Variants in LMO7 observed in about 807,000 individuals in gnomAD.
LMO7 encodes LIM domain 7, also known as LIM domain only protein 7.
Under a neutral mutation model 206.5 loss-of-function variants are expected in LMO7, and 120 were observed. That is an observed-to-expected ratio of 0.58 (90% confidence interval 0.50 to 0.68). LMO7 has a LOEUF of 0.68. Ranked by LOEUF, LMO7 falls within the 30% of genes least tolerant of loss-of-function variation. The pLI is 0.00. For synonymous variants in LMO7, 706 were observed against 681.5 expected, an observed-to-expected ratio of 1.04 and a Z score of -0.56; for missense variants, 1,959 against 1,957.9, an observed-to-expected ratio of 1.00 and a Z score of -0.01.
At chr13:75,746,954 T>G (rs1360967460) in intron 3 of LMO7, among the ~76,000 whole-genome samples, 3 of 152,110 alleles carry the variant, frequency 2.0e-5, no homozygotes, top group African/African-American at 7.2e-5. Context: ...CCTTAGGACT[T>G]TGTGCTTGCC....
At chr13:75,856,214 G>A (rs1178143062) in intron 29 of LMO7, among the ~76,000 whole-genome samples, 1 of 152,040 alleles carries the variant, frequency 6.6e-6, no homozygotes, top group Non-Finnish European at 1.5e-5. Flanking sequence ...ATTCCTCTGG[G>A]GGGATAAAAA....
At chr13:75,805,390 G>A (rs944784484) in intron 8 of LMO7, 89 bp from the exon 9 acceptor site, 2 of 1,389,364 alleles carry the variant, frequency 1.4e-6, no homozygotes, top group Non-Finnish European at 9.9e-7. Context: ...TCACAGTGGT[G>A]TAAACTTTGT....
chr13:75,640,042 T>G (rs1273009371), intron 1 of LMO7, among the ~76,000 whole-genome samples: 1 of 152,194 alleles, frequency 6.6e-6, no homozygotes, highest in Admixed American at 6.5e-5. Flanking sequence ...CCTTTTAACT[T>G]TTTTGCCTTT....
chr13:75,788,709 G>C (rs2140516935), intron 4 of LMO7: 2 of 152,324 alleles, frequency 1.3e-5, no homozygotes, highest in South Asian at 4.1e-4. Flanking sequence ...CTGGAGAGCA[G>C]AGATTACTTA....
Position 75,841,854 on chromosome 13 carries a change from A to C in LMO7, c.3902A>C (p.Gln1301Pro), listed in dbSNP as rs746067203. 1 of 1,614,188 alleles carries C rather than the reference A, an allele frequency of 6.2e-7. No individual in the cohort carries two copies. Among genetic ancestry groups the C allele is most frequent in the Non-Finnish European group, 8.5e-7 (1 of 1,180,026 alleles). The change falls in exon 24 of 31, where the codon CAG becomes CCG. Residue 1301 changes from glutamine to proline, a missense_variant. By Grantham distance (76) the Gln-to-Pro change is moderately conservative. Coordinates refer to ENST00000377534, the MANE Select transcript of LMO7 (RefSeq NM_001306080.2). ...GAGAGAGAGAGGAAATGGGAGCAACAGCTTCAGGAAGAGCAAGAGCAAAAG... is the reference window on the plus strand; with the variant it reads ...GAGAGAGAGAGGAAATGGGAGCAACCGCTTCAGGAAGAGCAAGAGCAAAAG... ...VIERERKWEQ[Q>P]LQEEQEQKRL... is the part of the protein sequence containing the mutation.
chr13:75,677,830 C>A (rs2040148568), intron 1 of LMO7, among the ~76,000 whole-genome samples: 1 of 123,198 alleles, frequency 8.1e-6, no homozygotes, highest in Non-Finnish European at 1.6e-5. Flanking sequence ...GTGTGATGTT[C>A]CCCTTCTTGT....
intron 3 of LMO7, among the ~76,000 whole-genome samples, chr13:75,736,181 G>T (rs917120814): frequency 2.0e-5 from 3 of 152,104 alleles, no homozygotes; most frequent in African/African-American, 7.2e-5. Context: ...TTTATCTTTA[G>T]AAATTAAAGT....
chr13:75,743,719 G>A (rs565122699), intron 3 of LMO7, among the ~76,000 whole-genome samples: 1 of 152,220 alleles, frequency 6.6e-6, no homozygotes, highest in East Asian at 1.9e-4. Flanking sequence ...TGGGAGGAGG[G>A]AGAAGATCAG....
chr13:75,854,337 G>A (rs1222822019), intron 28 of LMO7, among the ~76,000 whole-genome samples: 2 of 152,190 alleles, frequency 1.3e-5, no homozygotes, highest in Non-Finnish European at 2.9e-5. Flanking sequence ...TATATAAAGT[G>A]TGTATCAATG....
chr13:75,626,496 G>A (rs564750159), intron 2 of LMO7, among the ~76,000 whole-genome samples: 42 of 150,150 alleles, frequency 2.8e-4, no homozygotes, highest in African/African-American at 9.9e-4. Context: ...GAACACATGG[G>A]AATTCTGGGA....
In LMO7 at chr13:75,834,068, C is replaced by T. The variant is rs561684892; in HGVS notation, c.3065-158C>T. 3.3e-5 allele frequency among the ~76,000 whole-genome samples: 5 copies of T among 151,932 alleles called. No homozygotes were observed. In the South Asian group the frequency reaches 1.0e-3, roughly 32 times the overall value. On this transcript the variant is annotated intron_variant, in intron 16 of 30. Transcript: ENST00000377534. The stretch of plus-strand genomic sequence containing the variant: ...CACCTCTAATGCTTTGTATGTTGTA[C>T]TCAGATATTTGGTATTAAAAAAAAT...
At position 75,841,947 on chromosome 13, in the gene LMO7, A is replaced by T; in HGVS notation, c.3995A>T (p.Glu1332Val). The change falls in exon 24 of 31, where the codon GAG becomes GTG. Residue 1332 changes from glutamate to valine, a missense_variant. Physicochemically the swap from Glu to Val is moderately radical, Grantham distance 121. Transcript: ENST00000377534. ...AEEQKRQAEI[E>V]RETSVRIYQY... ...GAGCAGAAGCGCCAGGCAGAGATAG[A>T]GCGGGAAACATCAGTCAGAATATAC... 6.2e-7 allele frequency: 1 copy of T among 1,612,566 alleles called. No homozygotes were observed. The highest frequency in any genetic ancestry group is 8.5e-7 in the Non-Finnish European group (1 of 1,179,830).
At chr13:75,739,938 A>C (rs1282986310) in intron 3 of LMO7, among the ~76,000 whole-genome samples, 1 of 152,200 alleles carries the variant, frequency 6.6e-6, no homozygotes, top group East Asian at 1.9e-4. Context: ...TGAGACCTCA[A>C]GACAGAGTAC....
intron 1 of LMO7, among the ~76,000 whole-genome samples, chr13:75,709,902 G>A (rs2042952642): frequency 6.6e-6 from 1 of 152,242 alleles, no homozygotes; most frequent in South Asian, 2.1e-4. Flanking sequence ...GTATTGCCTA[G>A]GTTTTCTTCT....
upstream of LMO7, among the ~76,000 whole-genome samples, chr13:75,633,947 A>C (rs2035378850): frequency 7.0e-6 from 1 of 143,784 alleles, no homozygotes; most frequent in Non-Finnish European, 1.5e-5. Flanking sequence ...TCCCTGGTTC[A>C]AGCGATTCTC....
chr13:75,654,633 T>G (rs1271382630), intron 1 of LMO7, among the ~76,000 whole-genome samples: 1 of 152,146 alleles, frequency 6.6e-6, no homozygotes, highest in Non-Finnish European at 1.5e-5. Flanking sequence ...CATCTCTCTT[T>G]CCCTGTGGCC....
rs144129171 is a variant in LMO7 at position 75,817,186 on chromosome 13, G to A, written c.1972G>A (p.Ala658Thr). 4.2e-5 allele frequency: 67 copies of A among 1,613,392 alleles called. No homozygotes were observed. Among genetic ancestry groups the A allele is most frequent in the African/African-American group, 5.3e-5 (4 of 75,012 alleles). Reference protein sequence around the residue: ...NGSKSMSDVSAEDVQNLRQLR... With the variant: ...NGSKSMSDVSTEDVQNLRQLR... The stretch of plus-strand genomic sequence containing the variant: ...GAGTAAGTCCATGAGTGATGTCAGC[G>A]CAGAAGATGTTCAAAACTTGCGTCA... The change falls in exon 12 of 31, where the codon GCA (alanine) becomes ACA (threonine). Residue 658 changes from alanine (A) to threonine (T), a missense_variant. Ala to Thr is a moderately conservative substitution (Grantham distance 58). Transcript: ENST00000377534.
chr13:75,756,655 A>C (rs1322638789), intron 3 of LMO7, among the ~76,000 whole-genome samples: 1 of 152,136 alleles, frequency 6.6e-6, no homozygotes, highest in Non-Finnish European at 1.5e-5. Context: ...GAGTGTCTAT[A>C]GTGATTATCT....
chr13:75,829,174 AAAG>A (rs1425699460), intron 15 of LMO7, among the ~76,000 whole-genome samples: 1 of 152,188 alleles, frequency 6.6e-6, no homozygotes, highest in Non-Finnish European at 1.5e-5. Flanking sequence ...AACACAATGA[AAAG>A]AGAAGAGAAA....
Sources: allele counts gnomAD v4.1 joint callset (sites outside exome capture counted in the v4.1 genomes callset), GRCh38; gene constraint gnomAD v4.1.1; transcripts MANE v1.5; gene names NCBI Gene and HGNC (gene_info 2026-07-23, HGNC 2026-07-21).